Variants in TMC1 observed in about 807,000 individuals in gnomAD.
TMC1 encodes transmembrane channel-like protein 1.
In TMC1, 84 loss-of-function variants were observed where a neutral mutation model predicts 105.8. That is an observed-to-expected ratio of 0.79 (90% confidence interval 0.67 to 0.95). The LOEUF (loss-of-function observed/expected upper bound fraction) is 0.95. TMC1 is among the 40% of genes least tolerant of loss of function. The pLI is 0.00. For missense variants in TMC1, 817 were observed against 914.1 expected, an observed-to-expected ratio of 0.89 and a Z score of 1.37; for synonymous variants, 315 against 311.5, an observed-to-expected ratio of 1.01 and a Z score of -0.12.
chr9:72,566,692 G>A (rs1824160877), intron 1 of TMC1, among the ~76,000 whole-genome samples: 1 of 152,146 alleles, frequency 6.6e-6, no homozygotes, highest in South Asian at 2.1e-4. Flanking sequence ...CGATAAAAAA[G>A]CACATTTAGC....
At chr9:72,715,969 G>A (rs7865533) in intron 8 of TMC1, among the ~76,000 whole-genome samples, 1 of 152,110 alleles carries the variant, frequency 6.6e-6, no homozygotes, top group African/African-American at 2.4e-5. Flanking sequence ...TGTTGATGTT[G>A]ATACTATTCC....
intron 2 of TMC1, among the ~76,000 whole-genome samples, chr9:72,595,371 G>A (rs1247638914): frequency 6.6e-6 from 1 of 152,204 alleles, no homozygotes; most frequent in Non-Finnish European, 1.5e-5. Flanking sequence ...CTAAGATACA[G>A]CCACTGTTGG....
At chr9:72,726,450 T>A (rs533793300) in intron 8 of TMC1, among the ~76,000 whole-genome samples, 134 of 152,296 alleles carry the variant, frequency 8.8e-4, no homozygotes, top group Middle Eastern at 3.4e-3. Flanking sequence ...AGGGAGGCTA[T>A]GGGAGGACAC....
At chr9:72,792,460 T>C in intron 17 of TMC1, 108 bp downstream of exon 17, 1 of 1,313,530 alleles carries the variant, frequency 7.6e-7, no homozygotes, top group South Asian at 1.2e-5. Flanking sequence ...TAAAAATAGC[T>C]AAGATTTGTT....
chr9:72,659,731 T>G lies in TMC1; in HGVS notation c.16+11067T>G, dbSNP rs759401926. On this transcript the variant is annotated intron_variant, in intron 5 of 23. Transcript: ENST00000297784. ...CATGTGTTGAACTGAACTATAATTA[T>G]AGTTAGTAGGGCACATAGCAGGTTT... Among the ~76,000 whole-genome samples the G allele has an allele frequency of 1.5e-3, 227 of 152,356 alleles. 3 individuals carry two copies. The highest frequency in any genetic ancestry group is 2.2e-3 in the Non-Finnish European group (151 of 68,032).
intron 10 of TMC1, among the ~76,000 whole-genome samples, chr9:72,750,729 T>A (rs138130077): frequency 1.8e-3 from 279 of 152,328 alleles, no homozygotes; most frequent in African/African-American, 6.4e-3. Context: ...TGTCAATGAC[T>A]TCTCCTTACA....
intron 8 of TMC1, among the ~76,000 whole-genome samples, chr9:72,712,700 A>AT (rs980992372): frequency 1.3e-5 from 2 of 152,210 alleles, no homozygotes; most frequent in Admixed American, 6.5e-5. Context: ...ATATATAATC[A>AT]TGTCATCTGC....
At chr9:72,629,607 G>C (rs1030046296) in intron 4 of TMC1, among the ~76,000 whole-genome samples, 7 of 151,958 alleles carry the variant, frequency 4.6e-5, no homozygotes, top group Non-Finnish European at 1.5e-5. Context: ...TGTGTGTTTG[G>C]GAAAAGGCAA....
At chr9:72,647,138 T>C (rs1588010020) in intron 4 of TMC1, among the ~76,000 whole-genome samples, 3 of 122,824 alleles carry the variant, frequency 2.4e-5, no homozygotes, top group Middle Eastern at 5.0e-3. Flanking sequence ...TGAGACTCCA[T>C]CTCAAAAAAA....
intron 2 of TMC1, among the ~76,000 whole-genome samples, chr9:72,607,002 T>TATATATAGAGAGAGAGAGAGAGAG (rs372785242): frequency 1.4e-4 from 19 of 134,966 alleles, no homozygotes; most frequent in South Asian, 1.0e-3. Flanking sequence ...TATATATATA[T>TATATATAGAGAGAGAGAGAGAGAG]AGAGAGAGAG....
intron 8 of TMC1, among the ~76,000 whole-genome samples, chr9:72,714,021 A>T (rs1256636836): frequency 6.6e-6 from 1 of 152,040 alleles, no homozygotes; most frequent in Admixed American, 6.6e-5. Context: ...TAATTTCATT[A>T]TTTACCCAGT....
chr9:72,660,458 AT>A (rs1825955434), intron 5 of TMC1, among the ~76,000 whole-genome samples: 1 of 152,154 alleles, frequency 6.6e-6, no homozygotes, highest in African/African-American at 2.4e-5. Flanking sequence ...ATAACCTTTT[AT>A]TTTTGATTCA....
intron 13 of TMC1, among the ~76,000 whole-genome samples, chr9:72,782,996 T>TA (rs565772854): frequency 6.6e-6 from 1 of 151,806 alleles, no homozygotes; most frequent in Non-Finnish European, 1.5e-5. Context: ...AGCTAAAAAT[T>TA]AAAAAAAATT....
intron 5 of TMC1, among the ~76,000 whole-genome samples, chr9:72,678,702 A>T (rs1381889784): frequency 6.6e-6 from 1 of 152,154 alleles, no homozygotes; most frequent in Non-Finnish European, 1.5e-5. Flanking sequence ...TATGTTTTTC[A>T]TAAAGTCATT....
intron 8 of TMC1, among the ~76,000 whole-genome samples, chr9:72,738,724 T>C (rs998826420): frequency 6.6e-6 from 1 of 152,156 alleles, no homozygotes; most frequent in African/African-American, 2.4e-5. Flanking sequence ...AGCCAGACCC[T>C]TCATTTTTAA....
rs1281793866 is a variant in TMC1 at position 72,836,240 on chromosome 9, A to G, written c.*267A>G. 1 of 523,458 alleles carries G rather than the reference A, an allele frequency of 1.9e-6. No individual in the cohort carries two copies. Among genetic ancestry groups the G allele is most frequent in the East Asian group, 3.1e-5 (1 of 32,214 alleles). 32.4% of individuals were successfully genotyped at this position (523,458 alleles called of 1,614,324 possible). ...CGTGACTTTTTTTTTTTTTTTAACA[A>G]ATTGAGTTTAGAAGTGAGTGTAATC... On this transcript the variant is annotated 3_prime_UTR_variant, in exon 24 of 24. Transcript: ENST00000297784.
At chr9:72,713,119 G>A (rs906973119) in intron 8 of TMC1, among the ~76,000 whole-genome samples, 46 of 152,184 alleles carry the variant, frequency 3.0e-4, no homozygotes, top group African/African-American at 1.1e-3. Flanking sequence ...TCCCCAGGAT[G>A]AAGCCAGCTT....
intron 5 of TMC1, among the ~76,000 whole-genome samples, chr9:72,674,906 T>A (rs1231084912): frequency 6.6e-6 from 1 of 152,188 alleles, no homozygotes; most frequent in Non-Finnish European, 1.5e-5. Context: ...AATCAAGCCA[T>A]CAGGCTATTG....
intron 1 of TMC1, among the ~76,000 whole-genome samples, chr9:72,571,843 AC>A: frequency 6.9e-6 from 1 of 145,650 alleles, no homozygotes; most frequent in African/African-American, 2.5e-5. Context: ...TAGATTGCTT[AC>A]TTTTTTTTTT....
Sources: gnomAD v4.1 joint callset for allele counts (sites outside exome capture counted in the v4.1 genomes callset) on GRCh38, gnomAD v4.1.1 for gene constraint, MANE v1.5 for transcripts, NCBI Gene and HGNC (gene_info 2026-07-23, HGNC 2026-07-21) for gene names.